The following SNTG2 variants were observed in gnomAD, a reference collection of about 807,000 sequenced individuals.
SNTG2 encodes the protein syntrophin gamma 2.
SNTG2 carries 74 observed loss-of-function variants against 70.9 expected under a neutral mutation model. That is an observed-to-expected ratio of 1.04 (90% CI 0.86 to 1.27). The LOEUF (loss-of-function observed/expected upper bound fraction) is 1.27. SNTG2 is among the 50% of genes most tolerant of loss of function. The pLI is 0.00. For missense variants in SNTG2, 717 were observed against 690.7 expected (o/e 1.04, Z -0.43); for synonymous variants, 278 against 273.8 (o/e 1.02, Z -0.15).
At chr2:993,926 ACT>A (rs1661589036) in intron 1 of SNTG2, among the ~76,000 whole-genome samples, 1 of 151,926 alleles carries the variant, frequency 6.6e-6, no homozygotes, top group South Asian at 2.1e-4. Flanking sequence ...ACAAATATTT[ACT>A]CTCATTTTGT....
intron 8 of SNTG2, among the ~76,000 whole-genome samples, chr2:1,185,908 A>G (rs1292004476): frequency 6.6e-6 from 1 of 152,136 alleles, no homozygotes; most frequent in African/African-American, 2.4e-5. Context: ...CTGAAAATGG[A>G]TTTTTCTTTT....
At chr2:1,104,632 G>A (rs551748318) in intron 4 of SNTG2, among the ~76,000 whole-genome samples, 3 of 152,308 alleles carry the variant, frequency 2.0e-5, no homozygotes, top group East Asian at 1.9e-4. Flanking sequence ...AAGCCCTGCC[G>A]TGGGTCCTTT....
chr2:1,050,703 GATT>G (rs1490512334), intron 1 of SNTG2, among the ~76,000 whole-genome samples: 1 of 152,042 alleles, frequency 6.6e-6, no homozygotes, highest in East Asian at 1.9e-4. Context: ...CTTATTCTAG[GATT>G]ATTATTAAAC....
chr2:1,112,245 A>T (rs933862988), intron 4 of SNTG2, among the ~76,000 whole-genome samples: 1 of 151,410 alleles, frequency 6.6e-6, no homozygotes, highest in Admixed American at 6.6e-5. Flanking sequence ...TAACCCTTGC[A>T]GTCGTTTGAG....
intron 1 of SNTG2, among the ~76,000 whole-genome samples, chr2:992,698 T>G (rs1044306324): frequency 5.3e-5 from 8 of 152,214 alleles, no homozygotes; most frequent in Non-Finnish European, 1.0e-4. Context: ...AGTCATTTTA[T>G]GACAATTAAG....
chr2:1,297,588 G>A (rs1345819611), intron 14 of SNTG2, among the ~76,000 whole-genome samples: 18 of 150,382 alleles, frequency 1.2e-4, no homozygotes, highest in Admixed American at 1.1e-3. Context: ...CCTTCCCAGC[G>A]GCCCAGCCCG....
intron 1 of SNTG2, among the ~76,000 whole-genome samples, chr2:1,076,371 T>C (rs73170868): frequency 0.012 from 1,882 of 152,314 alleles, 32 homozygotes; most frequent in African/African-American, 0.037. Context: ...TTTACGCTTC[T>C]TCCAGCACCT....
At chr2:1,062,033 G>T (rs545559676) in intron 1 of SNTG2, among the ~76,000 whole-genome samples, 163 of 152,236 alleles carry the variant, frequency 1.1e-3, no homozygotes, top group Non-Finnish European at 1.8e-3. Flanking sequence ...GCCTTTCACA[G>T]AAGTAATATG....
intron 8 of SNTG2, among the ~76,000 whole-genome samples, chr2:1,182,434 A>G (rs962277902): frequency 5.3e-5 from 8 of 151,970 alleles, no homozygotes; most frequent in Admixed American, 1.3e-4. Context: ...AGAAGGGTAT[A>G]GGAAAAAAGT....
At chr2:1,038,980 A>T (rs1304250389) in intron 1 of SNTG2, among the ~76,000 whole-genome samples, 1 of 152,196 alleles carries the variant, frequency 6.6e-6, no homozygotes, top group East Asian at 1.9e-4. Context: ...ATTGAAAAAC[A>T]TGCATCTTGG....
At chr2:1,139,977 A>G (rs73168791) in intron 6 of SNTG2, among the ~76,000 whole-genome samples, 35,750 of 152,136 alleles carry the variant, frequency 0.23, 5,058 homozygotes, top group East Asian at 0.52. Flanking sequence ...AAAATAAATT[A>G]TTAGAGAAAT....
intron 8 of SNTG2, among the ~76,000 whole-genome samples, chr2:1,196,981 A>G (rs1015187180): frequency 6.6e-6 from 1 of 152,160 alleles, no homozygotes; most frequent in Non-Finnish European, 1.5e-5. Flanking sequence ...AAAAAGAGAA[A>G]AGACTCAAGT....
chr2:1,154,187 G>A (rs1310669527), intron 6 of SNTG2, among the ~76,000 whole-genome samples: 1 of 151,968 alleles, frequency 6.6e-6, no homozygotes, highest in Non-Finnish European at 1.5e-5. Context: ...GAGGAGCATG[G>A]TTGGGGGGAG....
intron 1 of SNTG2, among the ~76,000 whole-genome samples, chr2:998,988 C>CT (rs780347757): frequency 6.6e-5 from 10 of 152,174 alleles, no homozygotes; most frequent in Admixed American, 2.0e-4. Context: ...TAGGGTTCTA[C>CT]TTTCAGGCTT....
At chr2:1,054,374 G>C (rs949246191) in intron 1 of SNTG2, among the ~76,000 whole-genome samples, 12 of 152,148 alleles carry the variant, frequency 7.9e-5, no homozygotes, top group African/African-American at 1.7e-4. Context: ...ATTCTTCTAG[G>C]ATCTAGCATT....
chr2:1,161,910 TAA>T (rs1229908108), intron 6 of SNTG2, among the ~76,000 whole-genome samples: 1 of 151,926 alleles, frequency 6.6e-6, no homozygotes, highest in Non-Finnish European at 1.5e-5. Context: ...CCGTCTCTAC[TAA>T]AAATACAAAA....
intron 14 of SNTG2, among the ~76,000 whole-genome samples, chr2:1,302,065 G>C (rs969061059): frequency 9.2e-5 from 14 of 151,914 alleles, no homozygotes; most frequent in Admixed American, 7.2e-4. Context: ...AGGTTGAAGA[G>C]ATTCTCCTGC....
chr2:1,221,241 TGC>T (rs1388544029), intron 9 of SNTG2, among the ~76,000 whole-genome samples: 1 of 92,898 alleles, frequency 1.1e-5, no homozygotes, highest in African/African-American at 4.3e-5. Context: ...TCTCTGCCTC[TGC>T]CTCTCTCTGT....
At chr2:1,060,355 G>GT (rs1662730870) in intron 1 of SNTG2, among the ~76,000 whole-genome samples, 2 of 152,190 alleles carry the variant, frequency 1.3e-5, no homozygotes, top group South Asian at 4.1e-4. Flanking sequence ...ATACACGTGT[G>GT]TATGTGTGTA....
Sources: gnomAD v4.1 joint callset for allele counts (sites outside exome capture counted in the v4.1 genomes callset) on GRCh38, gnomAD v4.1.1 for gene constraint, MANE v1.5 for transcripts, NCBI Gene and HGNC (gene_info 2026-07-23, HGNC 2026-07-21) for gene names.